The following UBAP2 variants were observed in gnomAD, a reference collection of about 807,000 sequenced individuals.
UBAP2 encodes ubiquitin associated protein 2.
A neutral mutation model predicts 139.6 loss-of-function variants in UBAP2; 75 were observed. The observed-to-expected ratio is 0.54, with a 90% CI of 0.45 to 0.65. The LOEUF is 0.65. UBAP2 is among the 30% of genes least tolerant of loss of function. The pLI, the probability that UBAP2 is intolerant of heterozygous loss-of-function variation, is 0.00. For missense variants in UBAP2, 1,368 were observed against 1,369.6 expected, an observed-to-expected ratio of 1.00 and a Z score of 0.02; for synonymous variants, 526 against 526.2, an observed-to-expected ratio of 1.00 and a Z score of 0.01.
At chr9:33,968,223 C>A (rs1200843592) in intron 8 of UBAP2, 1 of 619,732 alleles carries the variant, frequency 1.6e-6, no homozygotes, top group Admixed American at 1.9e-5. Flanking sequence ...ATTATGAAAC[C>A]TAAACCCTCC....
At chr9:33,940,152 G>A (rs956657666) in intron 16 of UBAP2, among the ~76,000 whole-genome samples, 4 of 152,038 alleles carry the variant, frequency 2.6e-5, no homozygotes, top group Admixed American at 6.6e-5. Flanking sequence ...TTAAGACATC[G>A]GATGCATGCA....
chr9:33,946,550 G>A (rs1026764596), intron 13 of UBAP2, among the ~76,000 whole-genome samples: 1 of 152,082 alleles, frequency 6.6e-6, no homozygotes, highest in Admixed American at 6.6e-5. Flanking sequence ...TCTCTATGGG[G>A]CCAGATAGTA....
chr9:34,009,097 GTTTT>G (rs1298006123), intron 2 of UBAP2, among the ~76,000 whole-genome samples: 2 of 145,114 alleles, frequency 1.4e-5, no homozygotes, highest in East Asian at 2.0e-4. Context: ...AAAATTTGGT[GTTTT>G]GTTTTGTTTT....
In UBAP2 at chr9:33,922,335, CATAAATACATTA is replaced by C; in HGVS notation, c.*157_*168del. The C allele has an allele frequency of 1.5e-6, 1 of 675,094 alleles. No homozygotes were observed. The highest frequency in any genetic ancestry group is 2.6e-6 in the Non-Finnish European group (1 of 388,000). The allele number at this position is 675,094 out of a possible 1,614,324, so 41.8% of individuals were successfully genotyped here. ...CTTCTATCACATTTACAAATACATA[CATAAATACATTA>C]CATACAGTAGCCAGTCTGGGAGGCA... On this transcript the variant is annotated 3_prime_UTR_variant, in exon 29 of 29. Coordinates refer to ENST00000379238, the MANE Select transcript of UBAP2 (RefSeq NM_001370062.2).
At chr9:33,994,639 TTTTA>T (rs1424820039) in intron 4 of UBAP2, 3 of 151,450 alleles carry the variant, frequency 2.0e-5, no homozygotes, top group Non-Finnish European at 2.9e-5. Flanking sequence ...CTATTCAAAA[TTTTA>T]ATTTATCATA....
Position 33,932,463 on chromosome 9 carries a change from A to G in UBAP2, c.2175+99T>C, listed in dbSNP as rs1824069007. 3.6e-6 allele frequency: 5 copies of G among 1,395,870 alleles called. No homozygotes were observed. The South Asian group carries it at 5.0e-5, about 14-fold the overall frequency. The allele number at this position is 1,395,870 out of a possible 1,614,324, so 86.5% of individuals were successfully genotyped here. ...CATTTCAGCCAAGCAACTCTAGATT[A>G]TCAGACACTAAAAATCAGACTGAAG... On this transcript the variant is annotated intron_variant, in intron 19 of 28. Transcript: ENST00000379238.
At position 33,944,532 on chromosome 9, in the gene UBAP2, G is replaced by T. The variant is rs1166533012; in HGVS notation, c.1378C>A (p.Pro460Thr). The T allele has an allele frequency of 6.2e-7, 1 of 1,614,034 alleles. No homozygotes were observed. The highest frequency in any genetic ancestry group is 1.3e-5 in the African/African-American group (1 of 74,908). The change falls in exon 14 of 29, where the codon CCT becomes ACT. Residue 460 changes from proline to threonine, a missense_variant. Physicochemically the swap from Pro to Thr is conservative, Grantham distance 38. Coordinates refer to ENST00000379238, the MANE Select transcript of UBAP2 (RefSeq NM_001370062.2). The part of the protein sequence containing the change: ...TVPPPGLESF[P>T]SQAKLRESTP... ...GATTCTCGAAGTTTTGCCTGGGAAGGAAAGGACTCCAAACCAGGAGGAGGA... is the reference window on the plus strand; with the variant it reads ...GATTCTCGAAGTTTTGCCTGGGAAGTAAAGGACTCCAAACCAGGAGGAGGA...
intron 4 of UBAP2, among the ~76,000 whole-genome samples, chr9:33,990,811 A>C (rs1446649936): frequency 2.0e-5 from 3 of 151,722 alleles, no homozygotes; most frequent in African/African-American, 7.3e-5. Flanking sequence ...GAATTTTTGT[A>C]ATTTTAGTAG....
intron 1 of UBAP2, among the ~76,000 whole-genome samples, chr9:34,026,572 T>C (rs1825418674): frequency 6.6e-6 from 1 of 152,134 alleles, no homozygotes; most frequent in Admixed American, 6.6e-5. Flanking sequence ...AGGTCCTTCA[T>C]CTATATATGT....
intron 8 of UBAP2, among the ~76,000 whole-genome samples, chr9:33,969,527 C>A (rs1827732045): frequency 6.8e-6 from 1 of 146,950 alleles, no homozygotes; most frequent in African/African-American, 2.5e-5. Flanking sequence ...CCAGCCTGGA[C>A]AACAGAGTGA....
intron 6 of UBAP2, among the ~76,000 whole-genome samples, chr9:33,985,355 T>C (rs1223399231): frequency 2.0e-5 from 3 of 152,240 alleles, no homozygotes; most frequent in Non-Finnish European, 1.5e-5. Context: ...TTTCAAGTCC[T>C]CACTTCTAGC....
rs761630968 is a variant in UBAP2, at chr9:33,971,758, G to C, written c.576-4C>G. The C allele has an allele frequency of 1.3e-6, 2 of 1,558,804 alleles. No individual in the cohort carries two copies. Among genetic ancestry groups the C allele is most frequent in the African/African-American group, 1.4e-5 (1 of 73,910 alleles). ...ATAGTCTGCAGGATTAAATGTCCTG[G>C]GGTTTGAAATAAAGAAATAATAAAG... is the stretch of plus-strand genomic sequence containing the variant. On this transcript the variant is annotated splice_polypyrimidine_tract_variant and splice_region_variant and intron_variant, in intron 7 of 28. Transcript: ENST00000379238.
At chr9:34,030,216 C>T (rs574148473) in intron 1 of UBAP2, among the ~76,000 whole-genome samples, 4 of 151,960 alleles carry the variant, frequency 2.6e-5, no homozygotes, top group East Asian at 3.9e-4. Flanking sequence ...GAGGCTGAGG[C>T]GGGCAGATCA....
At chr9:34,043,118 A>G (rs1250511048) in intron 1 of UBAP2, among the ~76,000 whole-genome samples, 1 of 152,158 alleles carries the variant, frequency 6.6e-6, no homozygotes, top group African/African-American at 2.4e-5. Flanking sequence ...CTTCTACGTT[A>G]TACAATGACA....
intron 8 of UBAP2, among the ~76,000 whole-genome samples, chr9:33,970,671 ATCC>A (rs1827849675): frequency 6.6e-6 from 1 of 152,098 alleles, no homozygotes; most frequent in East Asian, 1.9e-4. Context: ...GGCTCAAGTG[ATCC>A]TCCCGCCTTG....
At chr9:33,923,734 G>C (rs1823151275) in intron 24 of UBAP2, 61 bp downstream of exon 24, 3 of 1,554,674 alleles carry the variant, frequency 1.9e-6, no homozygotes, top group Non-Finnish European at 2.7e-6. Flanking sequence ...ATAGGTCCCA[G>C]GTTTCCACCT....
At chr9:33,935,170 G>C (rs937733326) in intron 17 of UBAP2, among the ~76,000 whole-genome samples, 7 of 143,772 alleles carry the variant, frequency 4.9e-5, no homozygotes, top group African/African-American at 1.7e-4. Context: ...TGGCGGGGGG[G>C]GGGGGTCTCA....
At chr9:33,991,581 G>A (rs559004801) in intron 4 of UBAP2, among the ~76,000 whole-genome samples, 2 of 152,130 alleles carry the variant, frequency 1.3e-5, no homozygotes, top group Non-Finnish European at 2.9e-5. Context: ...TGAAGGAAGA[G>A]GTATAAGTCA....
intron 9 of UBAP2, among the ~76,000 whole-genome samples, chr9:33,962,813 C>G (rs901894354): frequency 1.1e-4 from 16 of 151,006 alleles, no homozygotes; most frequent in African/African-American, 3.9e-4. Flanking sequence ...CCCATCTCTA[C>G]TAAAAATACA....
Sources: allele counts gnomAD v4.1 joint callset (sites outside exome capture counted in the v4.1 genomes callset), GRCh38; gene constraint gnomAD v4.1.1; transcripts MANE v1.5; gene names NCBI Gene and HGNC (gene_info 2026-07-23, HGNC 2026-07-21).